XBP1: variants seen among roughly 807,000 people sequenced by gnomAD.
XBP1 encodes the protein X-box-binding protein 1.
Under a neutral mutation model 34.6 loss-of-function variants are expected in XBP1, and 18 were observed. The ratio of observed to expected loss-of-function variants is 0.52; its 90% CI spans 0.36 to 0.77. The LOEUF (loss-of-function observed/expected upper bound fraction) is 0.77, where lower values mean the gene tolerates loss of function less well. Among genes scored for constraint, XBP1 ranks in the 30% least tolerant of loss-of-function variants. The probability of loss-of-function intolerance (pLI) is 0.00; values close to 1 mark genes in which losing one functional copy is unlikely to be tolerated. For missense variants in XBP1, 422 were observed against 464.6 expected (o/e 0.91, Z 0.84); for synonymous variants, 191 against 193.4 (o/e 0.99, Z 0.11).
exon 6 of XBP1, chr22:28,795,656 C>T (rs1258171286): frequency 1.2e-6 from 2 of 1,600,278 alleles, no homozygotes; most frequent in East Asian, 4.5e-5. Flanking sequence ...CTCCTCCAGG[C>T]TGGCAGGCTC....
chr22:28,796,418 G>GA, intron 3 of XBP1: 1 of 398,294 alleles, frequency 2.5e-6, no homozygotes, highest in Non-Finnish European at 4.4e-6. Context: ...ATGTTTCATT[G>GA]TGCAGGAAAT....
intron 2 of XBP1, among the ~76,000 whole-genome samples, chr22:28,797,650 G>T (rs5762803): frequency 0.039 from 5,922 of 151,712 alleles, 171 homozygotes; most frequent in Non-Finnish European, 0.06. Context: ...GATGTGGTGA[G>T]GGGTGCCTGT....
chr22:28,795,095 A>G (rs2031718899), downstream of XBP1: 1 of 1,401,270 alleles, frequency 7.1e-7, no homozygotes, highest in South Asian at 1.5e-5. Context: ...GGCTTTTTGA[A>G]TGAAGTACAG....
At chr22:28,798,104 C>G (rs994664506) in intron 2 of XBP1, among the ~76,000 whole-genome samples, 7 of 152,124 alleles carry the variant, frequency 4.6e-5, no homozygotes, top group Non-Finnish European at 1.5e-5. Flanking sequence ...TAGTGAATTT[C>G]TGGCCATGCC....
intron 2 of XBP1, 94 bp downstream of exon 2, chr22:28,798,963 G>T (rs2031807267): frequency 1.0e-6 from 1 of 991,406 alleles, no homozygotes; most frequent in Non-Finnish European, 1.5e-6. Flanking sequence ...TTCTAATAGG[G>T]GCTGAAACAA....
intron 2 of XBP1, among the ~76,000 whole-genome samples, chr22:28,798,203 A>C (rs1306416747): frequency 6.6e-6 from 1 of 151,972 alleles, no homozygotes; most frequent in Non-Finnish European, 1.5e-5. Context: ...AAATCCATCT[A>C]CTTTGAGATA....
chr22:28,796,223 C>A (rs756473673), intron 3 of XBP1, 31 bp from the exon 4 acceptor site: 131 of 1,499,756 alleles, frequency 8.7e-5, no homozygotes, highest in Middle Eastern at 2.1e-4. Context: ...GAATAAACAG[C>A]TTCAAGTGCC....
chr22:28,796,225 T>G (rs1406723300), intron 3 of XBP1, 33 bp from the exon 4 acceptor site: 1 of 1,499,620 alleles, frequency 6.7e-7, no homozygotes, highest in East Asian at 2.4e-5. Flanking sequence ...ATAAACAGCT[T>G]CAAGTGCCCA....
chr22:28,799,776 G>A (rs1318958796), intron 1 of XBP1, among the ~76,000 whole-genome samples: 1 of 152,216 alleles, frequency 6.6e-6, no homozygotes, highest in Non-Finnish European at 1.5e-5. Context: ...AGGACTAAGT[G>A]CTAGGCACAT....
downstream of XBP1, chr22:28,794,939 T>C (rs2031715879): frequency 2.6e-6 from 1 of 381,220 alleles, no homozygotes; most frequent in Non-Finnish European, 4.6e-6. Context: ...TTAAAAGCTG[T>C]AGTTCTCAAT....
chr22:28,800,358 G>T (rs1033643922), exon 1 of XBP1: 1 of 1,545,620 alleles, frequency 6.5e-7, no homozygotes, highest in Non-Finnish European at 8.7e-7. Flanking sequence ...GCGCGCCTGG[G>T]GCAGCCCCCC....
chr22:28,795,659 G>T, exon 6 of XBP1: 1 of 1,600,242 alleles, frequency 6.2e-7, no homozygotes, highest in Non-Finnish European at 8.5e-7. Flanking sequence ...CTCCAGGCTG[G>T]CAGGCTCTGG....
chr22:28,800,541 C>G (rs1225603619), upstream of XBP1: 9 of 1,474,578 alleles, frequency 6.1e-6, no homozygotes, highest in Non-Finnish European at 8.0e-6. Context: ...AGACTACGCA[C>G]CGCGCACCGC....
chr22:28,800,067 T>C (rs1480021735), intron 1 of XBP1: 2 of 769,520 alleles, frequency 2.6e-6, no homozygotes, highest in Non-Finnish European at 4.8e-6. Flanking sequence ...AACGAGAGAG[T>C]TAAAAAGTAC....
rs1243587344 is a variant in XBP1, at chr22:28,800,283, C to G, written c.227+15G>C. 1.7e-5 allele frequency: 26 copies of G among 1,550,080 alleles called. No homozygotes were observed. Among genetic ancestry groups the G allele is most frequent in the Non-Finnish European group, 2.3e-5 (26 of 1,148,152 alleles). On this transcript the variant is annotated intron_variant, in intron 1 of 5. Transcript: ENST00000344347. ...CGGCTTCAGATCTGGCCCCAGACCC[C>G]GGCCCCTCGCCCACCTCCTCAGCGC... is the stretch of plus-strand genomic sequence containing the variant.
At chr22:28,800,157 C>A in intron 1 of XBP1, 141 bp downstream of exon 1, 1 of 1,012,812 alleles carries the variant, frequency 9.9e-7, no homozygotes, top group South Asian at 1.5e-5. Flanking sequence ...CCCCGCGCCA[C>A]GCTGGCACCG....
rs200640204 is a variant in XBP1 at position 28,796,196 on chromosome 22, G to C, written c.454-4C>G. On this transcript the variant is annotated splice_polypyrimidine_tract_variant and splice_region_variant and intron_variant, in intron 3 of 5. Transcript: ENST00000344347. The stretch of plus-strand genomic sequence containing the variant: ...CCACTGGCCTCACTTCATTCCCCTG[G>C]GAGGAAAGACCAAAGTGAATAAACA... 1 of 1,539,270 alleles carries C rather than the reference G, an allele frequency of 6.5e-7. No homozygotes were observed. Among genetic ancestry groups the C allele is most frequent in the Admixed American group, 2.2e-5 (1 of 46,056 alleles).
exon 6 of XBP1, chr22:28,795,446 A>C: frequency 6.2e-7 from 1 of 1,604,978 alleles, no homozygotes; most frequent in Non-Finnish European, 8.5e-7. Context: ...TGAGGGGCTG[A>C]GAGGTGCTTC....
intron 5 of XBP1, 86 bp from the exon 6 acceptor site, chr22:28,795,818 T>C (rs1036336339): frequency 7.2e-7 from 1 of 1,397,494 alleles, no homozygotes; most frequent in Non-Finnish European, 9.7e-7. Flanking sequence ...GGTTCCATAA[T>C]GTAAATTAGT....
Sources: allele counts gnomAD v4.1 joint callset (sites outside exome capture counted in the v4.1 genomes callset), GRCh38; gene constraint gnomAD v4.1.1; transcripts MANE v1.5; gene names NCBI Gene and HGNC (gene_info 2026-07-23, HGNC 2026-07-21).